The following TDRD5 variants were observed in gnomAD, a reference collection of about 807,000 sequenced individuals.
The protein encoded by TDRD5 is tudor domain containing 5.
In TDRD5, 41 loss-of-function variants were observed where a neutral mutation model predicts 120.6. That is an observed-to-expected ratio of 0.34 (90% CI 0.26 to 0.44). The LOEUF (loss-of-function observed/expected upper bound fraction) is 0.44. Ranked by LOEUF, TDRD5 falls within the 20% of genes least tolerant of loss-of-function variation. The pLI is 1.00. For synonymous variants in TDRD5, 430 were observed against 433.7 expected (o/e 0.99, Z 0.11); for missense variants, 1,006 against 1,221.2 (o/e 0.82, Z 2.63).
At chr1:179,623,946 C>T (rs753799174) in intron 6 of TDRD5, among the ~76,000 whole-genome samples, 28 of 152,096 alleles carry the variant, frequency 1.8e-4, no homozygotes, top group Non-Finnish European at 3.5e-4. Flanking sequence ...GCCTCCCCAA[C>T]TCATTCTATA....
rs560697666 is a variant in TDRD5, at chr1:179,668,899, C to A, written c.2650-295C>A. Reference sequence around the variant, plus strand: ...CTGGGACTACAGGCGCCTGCCACCACGCCCAGCTAATTTTTTTTGTGTTTT... The same window carrying A: ...CTGGGACTACAGGCGCCTGCCACCAAGCCCAGCTAATTTTTTTTGTGTTTT... On this transcript the variant is annotated intron_variant, in intron 16 of 17. Coordinates refer to ENST00000444136, the MANE Select transcript of TDRD5 (RefSeq NM_001199085.3). 3.5e-3 allele frequency among the ~76,000 whole-genome samples: 533 copies of A among 151,886 alleles called. 4 individuals carry two copies. The highest frequency in any genetic ancestry group is 0.012 in the African/African-American group (497 of 41,438).
rs1681133202 is a variant in TDRD5, at chr1:179,691,145, T to A, written c.*202T>A. On this transcript the variant is annotated 3_prime_UTR_variant, in exon 18 of 18. Transcript: ENST00000444136. ...TATTGATATTTACTGTTAATCTTGA[T>A]TTTTCTTGATTTTATTCTGTGTCAT... The A allele has an allele frequency of 1.7e-6, 1 of 578,566 alleles. No individual in the cohort carries two copies. The highest frequency in any genetic ancestry group is 2.7e-6 in the Non-Finnish European group (1 of 370,484). The allele number at this position is 578,566 out of a possible 1,614,324, so 35.8% of individuals were successfully genotyped here.
chr1:179,684,171 A>T (rs866109843), intron 17 of TDRD5, among the ~76,000 whole-genome samples: 2 of 152,078 alleles, frequency 1.3e-5, no homozygotes, highest in South Asian at 4.2e-4. Flanking sequence ...TACATTAGGT[A>T]TATCTCCTAA....
Position 179,682,140 on chromosome 1 carries a change from A to G in TDRD5, c.2861-8556A>G, listed in dbSNP as rs1312500530. 2.7e-5 allele frequency among the ~76,000 whole-genome samples: 4 copies of G among 149,938 alleles called. No homozygotes were observed. The South Asian group carries it at 8.5e-4, about 32-fold the overall frequency. ...ATCTGTGTCATTTCTGAATCTGTTT[A>G]TATTGATTTTTTTTCTCCTGATTAC... On this transcript the variant is annotated intron_variant, in intron 17 of 17. Transcript: ENST00000444136.
At chr1:179,650,350 G>A (rs1297620893) in intron 11 of TDRD5, among the ~76,000 whole-genome samples, 2 of 144,340 alleles carry the variant, frequency 1.4e-5, no homozygotes, top group East Asian at 2.0e-4. Flanking sequence ...ACAGTGAGCC[G>A]AGATCACGCC....
At position 179,634,572 on chromosome 1, in the gene TDRD5, A is replaced by G. The variant is rs1176669303; in HGVS notation, c.1242A>G (p.Lys414=). The G allele has an allele frequency of 6.2e-7, 1 of 1,613,942 alleles. No homozygotes were observed. Among genetic ancestry groups the G allele is most frequent in the Non-Finnish European group, 8.5e-7 (1 of 1,180,008 alleles). ...GGAATTGCCCTTCAAAAAAACAAAA[A>G]GAGCCACAACAGAAGATTTGCAAGA... ...TVWNCPSKKQ[K]EPQQKICKKP... Residue 414 remains lysine (K), a synonymous_variant, in exon 8 of 18, where the codon AAA becomes AAG. Transcript: ENST00000444136.
intron 17 of TDRD5, among the ~76,000 whole-genome samples, chr1:179,690,457 CCTCT>C (rs1681079627): frequency 6.6e-6 from 1 of 152,150 alleles, no homozygotes; most frequent in Admixed American, 6.5e-5. Context: ...GTATATTTTC[CCTCT>C]CTCACTTACC....
At chr1:179,629,646 G>A (rs1364751828) in intron 6 of TDRD5, among the ~76,000 whole-genome samples, 2 of 152,080 alleles carry the variant, frequency 1.3e-5, no homozygotes, top group Non-Finnish European at 2.9e-5. Flanking sequence ...AAAATATGAA[G>A]ACTGAAGGCA....
intron 6 of TDRD5, among the ~76,000 whole-genome samples, chr1:179,625,788 C>T (rs182171219): frequency 2.0e-5 from 3 of 152,198 alleles, no homozygotes; most frequent in East Asian, 1.9e-4. Flanking sequence ...GATTGTGGTA[C>T]GTTTGTACAA....
chr1:179,664,209 C>T (rs912290682), intron 16 of TDRD5, among the ~76,000 whole-genome samples: 2 of 152,064 alleles, frequency 1.3e-5, no homozygotes, highest in Non-Finnish European at 2.9e-5. Context: ...ATAGAATGGT[C>T]TCTTCCAGAA....
intron 10 of TDRD5, 80 bp from the exon 11 acceptor site, chr1:179,640,299 G>T: frequency 6.7e-7 from 1 of 1,488,644 alleles, no homozygotes; most frequent in Non-Finnish European, 9.4e-7. Flanking sequence ...TATTAAGAAA[G>T]TGATTTTTTG....
rs150044249 is a variant in TDRD5, at chr1:179,650,881, G to A, written c.1815G>A (p.Ser605=). 43 of 1,613,880 alleles carry A rather than the reference G, an allele frequency of 2.7e-5. No homozygotes were observed. The East Asian group carries it at 3.1e-4, about 12-fold the overall frequency. The change falls in exon 12 of 18, where the codon TCG becomes TCA. Residue 605 remains serine, a synonymous_variant. Transcript: ENST00000444136. ...TCATATTTCAGGAACACTGGACATC[G>A]AAAGCTATTTTGCAGTTCCAGAAGT... ...WVRPVEEHWT[S]KAILQFQKLC...
At chr1:179,683,352 T>G (rs1453694332) in intron 17 of TDRD5, among the ~76,000 whole-genome samples, 1 of 152,198 alleles carries the variant, frequency 6.6e-6, no homozygotes, top group African/African-American at 2.4e-5. Flanking sequence ...AGCAGAAATT[T>G]TGCTACTCTT....
At chr1:179,661,822 G>C (rs1335073189) in intron 14 of TDRD5, among the ~76,000 whole-genome samples, 1 of 152,130 alleles carries the variant, frequency 6.6e-6, no homozygotes, top group African/African-American at 2.4e-5. Context: ...TACAAGCTCA[G>C]GATTCCACTT....
At chr1:179,643,591 G>T (rs185167009) in intron 11 of TDRD5, among the ~76,000 whole-genome samples, 1,699 of 143,528 alleles carry the variant, frequency 0.012, 64 homozygotes, top group Admixed American at 0.068. Flanking sequence ...TAGCAGATTT[G>T]GAGACAGTGG....
intron 3 of TDRD5, 131 bp from the exon 4 acceptor site, chr1:179,595,497 C>CT (rs1479691484): frequency 5.6e-6 from 4 of 708,360 alleles, no homozygotes; most frequent in South Asian, 2.7e-5. Flanking sequence ...AAAATGTCAG[C>CT]TTTCTTTTCT....
At chr1:179,619,637 T>G (rs941992678) in intron 5 of TDRD5, among the ~76,000 whole-genome samples, 3 of 152,032 alleles carry the variant, frequency 2.0e-5, no homozygotes, top group African/African-American at 7.3e-5. Context: ...TTTTTTTTTT[T>G]TAAGAGACAA....
intron 11 of TDRD5, among the ~76,000 whole-genome samples, chr1:179,646,142 G>C (rs1678350764): frequency 6.6e-6 from 1 of 151,976 alleles, no homozygotes; most frequent in Non-Finnish European, 1.5e-5. Context: ...TTCTCACCAT[G>C]CATGCCTTAT....
intron 3 of TDRD5, 113 bp downstream of exon 3, chr1:179,593,980 T>A (rs1675254964): frequency 1.5e-6 from 2 of 1,364,568 alleles, no homozygotes; most frequent in Admixed American, 2.7e-5. Flanking sequence ...GCCAGCTGAG[T>A]GGTCTCAGGC....
Sources: allele counts gnomAD v4.1 joint callset (sites outside exome capture counted in the v4.1 genomes callset), GRCh38; gene constraint gnomAD v4.1.1; transcripts MANE v1.5; gene names NCBI Gene and HGNC (gene_info 2026-07-23, HGNC 2026-07-21).